Variants in SDK1 observed in about 807,000 individuals in gnomAD.
SDK1 encodes the protein sidekick cell adhesion molecule 1.
In SDK1, 157 loss-of-function variants were observed where a neutral mutation model predicts 245.5. The ratio of observed to expected loss-of-function variants is 0.64; its 90% CI spans 0.56 to 0.73. The LOEUF (loss-of-function observed/expected upper bound fraction) is 0.73, where lower values mean the gene tolerates loss of function less well. Among genes scored for constraint, SDK1 ranks in the 30% least tolerant of loss-of-function variants. SDK1 has a pLI of 0.00. For missense variants in SDK1, 3,583 were observed against 3,002.3 expected, an observed-to-expected ratio of 1.19 and a Z score of -4.52; for synonymous variants, 1,647 against 1,278.5, an observed-to-expected ratio of 1.29 and a Z score of -6.15.
Position 3,819,499 on chromosome 7 carries a change from G to A in SDK1, c.714-1951G>A, listed in dbSNP as rs144734872. Among the ~76,000 whole-genome samples, 181 of 152,038 alleles carry A rather than the reference G, an allele frequency of 1.2e-3. 2 individuals are homozygous for A. The highest frequency in any genetic ancestry group is 4.1e-3 in the African/African-American group (172 of 41,496). On this transcript the variant is annotated intron_variant, in intron 4 of 44. Transcript: ENST00000404826. ...TGTCAAAGAAAAAGTTATATATTCA[G>A]TTTTTAAATTGTACTATTAAATGTG... is the stretch of plus-strand genomic sequence containing the variant.
intron 1 of SDK1, among the ~76,000 whole-genome samples, chr7:3,479,139 C>T (rs1583919951): frequency 6.6e-6 from 1 of 152,206 alleles, no homozygotes; most frequent in Middle Eastern, 3.4e-3. Flanking sequence ...ATTGTTCAGG[C>T]TGGGTGTGGC....
chr7:3,389,144 G>A (rs185231715), intron 1 of SDK1, among the ~76,000 whole-genome samples: 1 of 152,264 alleles, frequency 6.6e-6, no homozygotes, highest in Admixed American at 6.5e-5. Context: ...GGGGAGAATA[G>A]CATTCTAGAC....
At chr7:3,779,431 T>C (rs1207175271) in intron 4 of SDK1, among the ~76,000 whole-genome samples, 2 of 151,856 alleles carry the variant, frequency 1.3e-5, no homozygotes, top group Admixed American at 6.6e-5. Flanking sequence ...TGTGAAGTGG[T>C]GTGGCAAAGC....
intron 16 of SDK1, among the ~76,000 whole-genome samples, chr7:4,016,783 A>C (rs1395956579): frequency 6.6e-6 from 1 of 152,170 alleles, no homozygotes; most frequent in East Asian, 1.9e-4. Flanking sequence ...TGCTTCTGGA[A>C]GTCTCCCCAC....
rs767739872 is a variant in SDK1, at chr7:3,723,937, TATATATAG to T, written c.713+81834_713+81841del. Among the ~76,000 whole-genome samples the T allele has an allele frequency of 4.2e-3, 506 of 119,220 alleles. 29 individuals carry two copies. The highest frequency in any genetic ancestry group is 0.011 in the African/African-American group (346 of 31,826). The allele number at this position is 119,220 out of a possible 152,430, so 78.2% of individuals were successfully genotyped here. On this transcript the variant is annotated intron_variant, in intron 4 of 44. Coordinates refer to ENST00000404826, the MANE Select transcript of SDK1 (RefSeq NM_152744.4). ...ATATATATACACGTATATATATATATATATATAGAGAGAGAGAGAGAGAGAGAGAGAGA... is the reference window on the plus strand; with the variant it reads ...ATATATATACACGTATATATATATATAGAGAGAGAGAGAGAGAGAGAGAGA...
At chr7:4,184,585 A>G (rs535127020) in intron 35 of SDK1, among the ~76,000 whole-genome samples, 1 of 152,344 alleles carries the variant, frequency 6.6e-6, no homozygotes, top group Admixed American at 6.5e-5. Context: ...TTCAGAATAG[A>G]TGATCTCTGG....
intron 1 of SDK1, among the ~76,000 whole-genome samples, chr7:3,582,331 C>T (rs1456492670): frequency 1.3e-5 from 2 of 149,534 alleles, no homozygotes; most frequent in Non-Finnish European, 3.0e-5. Flanking sequence ...TCAGGTAGGT[C>T]TGTCTCAGGT....
At chr7:3,461,410 C>T (rs2128594941) in intron 1 of SDK1, among the ~76,000 whole-genome samples, 1 of 152,268 alleles carries the variant, frequency 6.6e-6, no homozygotes, top group Admixed American at 6.5e-5. Flanking sequence ...AGATAACACC[C>T]ACATCTTCCT....
chr7:3,403,870 A>ATAT (rs1562466270), intron 1 of SDK1, among the ~76,000 whole-genome samples: 6 of 84,708 alleles, frequency 7.1e-5, no homozygotes, highest in South Asian at 3.5e-4. Flanking sequence ...TATATATATA[A>ATAT]TATATATATT....
intron 44 of SDK1, among the ~76,000 whole-genome samples, chr7:4,247,334 C>G (rs12701504): frequency 0.18 from 27,923 of 152,134 alleles, 2,975 homozygotes; most frequent in Non-Finnish European, 0.24. Context: ...CAGAGGATGC[C>G]GGGTTTGCTG....
At chr7:3,592,703 G>C (rs920560741) in intron 1 of SDK1, among the ~76,000 whole-genome samples, 2 of 152,150 alleles carry the variant, frequency 1.3e-5, no homozygotes, top group Non-Finnish European at 2.9e-5. Flanking sequence ...GTGGGGACTC[G>C]CGCTGTGGGA....
rs1352142636 is a variant in SDK1, at chr7:3,435,308, T to C, written c.298+133424T>C. Among the ~76,000 whole-genome samples the C allele has an allele frequency of 2.7e-5, 4 of 147,124 alleles. 1 individual carries two copies. The East Asian group carries it at 5.9e-4, about 22-fold the overall frequency. On this transcript the variant is annotated intron_variant, in intron 1 of 44. Transcript: ENST00000404826. ...TCCACCTATTTTGATACTTGACTTA[T>C]GAAGGGGACTGCCTTTTTTTTTTTT... is the stretch of plus-strand genomic sequence containing the variant.
chr7:3,713,633 A>T (rs1252813850), intron 4 of SDK1, among the ~76,000 whole-genome samples: 4 of 152,220 alleles, frequency 2.6e-5, no homozygotes, highest in African/African-American at 9.6e-5. Flanking sequence ...CTGTTAGAAT[A>T]AGATCCCATC....
chr7:3,623,381 C>T (rs2128645850), intron 2 of SDK1, among the ~76,000 whole-genome samples: 1 of 151,598 alleles, frequency 6.6e-6, no homozygotes, highest in East Asian at 2.0e-4. Flanking sequence ...GCTGGGACTA[C>T]AGGCATGTGT....
intron 5 of SDK1, among the ~76,000 whole-genome samples, chr7:3,933,747 C>T (rs1275896029): frequency 6.6e-6 from 1 of 152,154 alleles, no homozygotes; most frequent in Non-Finnish European, 1.5e-5. Context: ...TTCTTCTGTT[C>T]CAGGTACTAC....
intron 13 of SDK1, among the ~76,000 whole-genome samples, chr7:3,977,928 C>G (rs1435127832): frequency 6.6e-6 from 1 of 152,138 alleles, no homozygotes; most frequent in Non-Finnish European, 1.5e-5. Flanking sequence ...TCCTTCTGTT[C>G]CCTACTCGTA....
chr7:4,049,309 C>A (rs771400596), intron 17 of SDK1, 39 bp from the exon 18 acceptor site: 1 of 1,510,110 alleles, frequency 6.6e-7, no homozygotes, highest in Admixed American at 1.7e-5. Context: ...GTCCCTCCTG[C>A]CATTTGTTCT....
intron 1 of SDK1, among the ~76,000 whole-genome samples, chr7:3,396,181 C>G (rs1044227839): frequency 2.0e-5 from 3 of 151,760 alleles, no homozygotes; most frequent in Non-Finnish European, 4.4e-5. Context: ...AATACTTGCT[C>G]ATTCCCCCTT....
chr7:3,603,557 G>T (rs1309502640), intron 1 of SDK1, among the ~76,000 whole-genome samples: 1 of 152,028 alleles, frequency 6.6e-6, no homozygotes, highest in Non-Finnish European at 1.5e-5. Context: ...TGCTGAAGTT[G>T]CTTATCAGCT....
Sources: allele counts gnomAD v4.1 joint callset (sites outside exome capture counted in the v4.1 genomes callset), GRCh38; gene constraint gnomAD v4.1.1; transcripts MANE v1.5; gene names NCBI Gene and HGNC (gene_info 2026-07-23, HGNC 2026-07-21).